The following SHE variants were observed in gnomAD, a reference collection of about 807,000 sequenced individuals.
SHE encodes Src homology 2 domain containing E.
Under a neutral mutation model 49.8 loss-of-function variants are expected in SHE, and 11 were observed. The observed-to-expected ratio is 0.22, with a 90% confidence interval of 0.14 to 0.37. SHE has a LOEUF of 0.37. SHE is among the 10% of genes least tolerant of loss of function. The pLI is 1.00. For synonymous variants in SHE, 310 were observed against 278.1 expected, an observed-to-expected ratio of 1.11 and a Z score of -1.14; for missense variants, 624 against 655.5, an observed-to-expected ratio of 0.95 and a Z score of 0.52.
At position 154,502,094 on chromosome 1, in the gene SHE, G is replaced by T. The variant is rs1316617241; in HGVS notation, c.-68C>A. ...ACGGCTGCTCCGTGCGCCCCCGGCC[G>T]GCCGTCGCCCACGCCCGGCAGGGTG... On this transcript the variant is annotated 5_prime_UTR_variant, in exon 1 of 6. Coordinates refer to ENST00000304760, the MANE Select transcript of SHE (RefSeq NM_001010846.3). 6.8e-6 allele frequency: 8 copies of T among 1,184,658 alleles called. No homozygotes were observed. Among genetic ancestry groups the T allele is most frequent in the Non-Finnish European group, 8.4e-6 (8 of 949,170 alleles). 73.4% of individuals were successfully genotyped at this position (1,184,658 alleles called of 1,614,324 possible).
At position 154,501,567 on chromosome 1, in the gene SHE, C is replaced by A; in HGVS notation, c.460G>T (p.Glu154Ter). The change falls in exon 1 of 6, where the codon GAG becomes TAG. Residue 154 changes from glutamate (E) to a stop codon, truncating the protein, a stop_gained. Transcript: ENST00000304760. LOFTEE classifies it high-confidence loss of function. Reference sequence around the variant, plus strand: ...GGGTAGTTGCTCTTCCCGTTCTTCTCCTGAGTGTCCACCTTGATGAGCCTG... The same window carrying A: ...GGGTAGTTGCTCTTCCCGTTCTTCTACTGAGTGTCCACCTTGATGAGCCTG... Reference protein sequence around the residue: ...INRLIKVDTQEKNGKSNYPSS... With the variant: ...INRLIKVDTQ 6.2e-7 allele frequency: 1 copy of A among 1,614,098 alleles called. No homozygotes were observed. The highest frequency in any genetic ancestry group is 8.5e-7 in the Non-Finnish European group (1 of 1,179,982).
intron 5 of SHE, 135 bp downstream of exon 5, chr1:154,485,808 T>A: frequency 9.4e-7 from 1 of 1,058,688 alleles, no homozygotes; most frequent in East Asian, 2.5e-5. Context: ...TGTTCCATTG[T>A]CCAAACAAAT....
In SHE at chr1:154,482,774, A is replaced by G. The variant is rs927022198; in HGVS notation, c.*1375T>C. On this transcript the variant is annotated 3_prime_UTR_variant, in exon 6 of 6. Coordinates refer to ENST00000304760, the MANE Select transcript of SHE (RefSeq NM_001010846.3). ...AATACTATGAATCTTAAGTAATGGT[A>G]TTTAAGAGAAAACCTCTAGGTCTTT... is the stretch of plus-strand genomic sequence containing the variant. 12 of 985,300 alleles carry G rather than the reference A, an allele frequency of 1.2e-5. No homozygotes were observed. The highest frequency in any genetic ancestry group is 1.4e-5 in the Non-Finnish European group (12 of 829,896). The allele number at this position is 985,300 out of a possible 1,614,324, so 61.0% of individuals were successfully genotyped here.
downstream of SHE, among the ~76,000 whole-genome samples, chr1:154,475,104 G>A (rs1022703190): frequency 7.9e-5 from 12 of 152,194 alleles, no homozygotes; most frequent in South Asian, 2.1e-4. Flanking sequence ...GAGGCCTGCC[G>A]GGGGTACAGG....
rs539031582 is a variant in SHE at position 154,484,234 on chromosome 1, A to G, written c.1403T>C (p.Val468Ala). 1 of 1,614,194 alleles carries G rather than the reference A, an allele frequency of 6.2e-7. No individual in the cohort carries two copies. Among genetic ancestry groups the G allele is most frequent in the African/African-American group, 1.3e-5 (1 of 75,046 alleles). ...SAVFDSIPEV[V>A]HYYSNEKLPF... ...CAACTTTTCATTGGAATAATAGTGT[A>G]CCACTTCAGGGATGCTGTCAAACAC... The change falls in exon 6 of 6, where the codon GTA becomes GCA. Residue 468 changes from valine to alanine, a missense_variant. By Grantham distance (64) the Val-to-Ala change is moderately conservative. This residue lies in a region of SHE where 125 missense variants were observed against 181.7 expected (regional missense o/e 0.69). Coordinates refer to ENST00000304760, the MANE Select transcript of SHE (RefSeq NM_001010846.3).
chr1:154,477,328 G>T (rs1367048908), downstream of SHE, among the ~76,000 whole-genome samples: 1 of 152,024 alleles, frequency 6.6e-6, no homozygotes, highest in Non-Finnish European at 1.5e-5. Context: ...TTGTGTGTGT[G>T]GTAAGAAATG....
intron 2 of SHE, among the ~76,000 whole-genome samples, chr1:154,491,010 G>GCAGC (rs1692345205): frequency 1.3e-5 from 2 of 152,298 alleles, no homozygotes; most frequent in South Asian, 4.1e-4. Context: ...AGGGTGGTGA[G>GCAGC]CAGCCTGGGG....
intron 1 of SHE, among the ~76,000 whole-genome samples, chr1:154,473,189 G>A (rs920182723): frequency 6.6e-6 from 1 of 151,960 alleles, no homozygotes; most frequent in Middle Eastern, 3.4e-3. Context: ...TAGTAGAGAC[G>A]GGGTTTCTCC....
At chr1:154,496,702 G>C (rs1294863005) in intron 2 of SHE, among the ~76,000 whole-genome samples, 1 of 151,880 alleles carries the variant, frequency 6.6e-6, no homozygotes, top group Non-Finnish European at 1.5e-5. Context: ...TGTCACAAGG[G>C]GGACAGCATT....
exon 2 of SHE, chr1:154,470,151 T>C (rs892387317): frequency 4.9e-6 from 2 of 405,078 alleles, no homozygotes; most frequent in Non-Finnish European, 9.1e-6. Flanking sequence ...CATGCTCTCC[T>C]CTTTGAGGCT....
Position 154,483,992 on chromosome 1 carries a change from C to T in SHE, c.*157G>A, listed in dbSNP as rs112303509. The T allele has an allele frequency of 5.8e-4, 828 of 1,421,506 alleles. 5 individuals carry two copies. In the African/African-American group the frequency reaches 0.01, roughly 17 times the overall value. 88.1% of individuals were successfully genotyped at this position (1,421,506 alleles called of 1,614,324 possible). A position where few individuals can be genotyped will look rare whatever the true frequency, so the allele number is the denominator to read the frequency against. On this transcript the variant is annotated 3_prime_UTR_variant, in exon 6 of 6. Coordinates refer to ENST00000304760, the MANE Select transcript of SHE (RefSeq NM_001010846.3). ...CAGCCTGGGCAACACAGCGAGACTT[C>T]GTCTCAAACAAAACAAAACAAATCA...
Position 154,480,928 on chromosome 1 carries a change from G to A in SHE, c.*3221C>T. On this transcript the variant is annotated 3_prime_UTR_variant, in exon 6 of 6. Coordinates refer to ENST00000304760, the MANE Select transcript of SHE (RefSeq NM_001010846.3). Reference sequence around the variant, plus strand: ...GCAAGCAAGTATTTTTTTTAAAGAAGGTGTGATCAAGAAGAACACTGACAC... The same window carrying A: ...GCAAGCAAGTATTTTTTTTAAAGAAAGTGTGATCAAGAAGAACACTGACAC... 1 of 985,212 alleles carries A rather than the reference G, an allele frequency of 1.0e-6. No individual in the cohort carries two copies. 61.0% of individuals were successfully genotyped at this position (985,212 alleles called of 1,614,324 possible). A position where few individuals can be genotyped will look rare whatever the true frequency, so the allele number is the denominator to read the frequency against.
At position 154,489,123 on chromosome 1, in the gene SHE, C is replaced by T. The variant is rs778836613; in HGVS notation, c.952G>A (p.Asp318Asn). ...RPPDSRLPEN[D>N]ERPAAEYEQP... ...TCGTACTCTGCCGCGGGCCTCTCGT[C>T]GTTCTCGGGCAGCCGGCTGTCTGGG... Residue 318 changes from aspartate to asparagine, a missense_variant, in exon 3 of 6, where the codon GAC (aspartate) becomes AAC (asparagine). Transcript: ENST00000304760. 6.8e-6 allele frequency: 11 copies of T among 1,613,460 alleles called. No homozygotes were observed. The highest frequency in any genetic ancestry group is 3.3e-5 in the Admixed American group (2 of 59,930).
At chr1:154,493,850 G>C (rs562830675) in intron 2 of SHE, among the ~76,000 whole-genome samples, 2 of 151,902 alleles carry the variant, frequency 1.3e-5, no homozygotes, top group South Asian at 2.1e-4. Flanking sequence ...CCTGCTAGGT[G>C]TATTATGCCC....
downstream of SHE, among the ~76,000 whole-genome samples, chr1:154,475,144 G>T (rs968472934): frequency 6.6e-6 from 1 of 152,142 alleles, no homozygotes; most frequent in African/African-American, 2.4e-5. Flanking sequence ...CCAGGTGGGA[G>T]GGAGGCCGCC....
chr1:154,477,749 G>A (rs1265309067), downstream of SHE, among the ~76,000 whole-genome samples: 1 of 151,992 alleles, frequency 6.6e-6, no homozygotes, highest in Non-Finnish European at 1.5e-5. Context: ...AAATTAGCTG[G>A]GTGTTGTGGC....
At chr1:154,499,024 C>T in intron 2 of SHE, 88 bp downstream of exon 2, 2 of 1,488,856 alleles carry the variant, frequency 1.3e-6, no homozygotes, top group Non-Finnish European at 1.8e-6. Context: ...TGCTTTATCC[C>T]TCTTCCCCAA....
Position 154,486,689 on chromosome 1 carries a change from A to G in SHE, c.1025-6T>C, listed in dbSNP as rs747113597. 5 of 1,613,754 alleles carry G rather than the reference A, an allele frequency of 3.1e-6. No homozygotes were observed. Among genetic ancestry groups the G allele is most frequent in the Non-Finnish European group, 2.5e-6 (3 of 1,180,016 alleles). Reference sequence around the variant, plus strand: ...CTCAGCTCCTTCAAACTGGACTGGAAGGAAGACTCCATTTAACATCACAGG... The same window carrying G: ...CTCAGCTCCTTCAAACTGGACTGGAGGGAAGACTCCATTTAACATCACAGG... On this transcript the variant is annotated splice_polypyrimidine_tract_variant and splice_region_variant and intron_variant, in intron 3 of 5. Coordinates refer to ENST00000304760, the MANE Select transcript of SHE (RefSeq NM_001010846.3).
downstream of SHE, among the ~76,000 whole-genome samples, chr1:154,476,535 C>G (rs578070543): frequency 2.0e-5 from 3 of 151,984 alleles, no homozygotes; most frequent in South Asian, 6.2e-4. Flanking sequence ...CCCAGCTACT[C>G]AGGAGGCTGA....
Sources: allele counts gnomAD v4.1 joint callset (sites outside exome capture counted in the v4.1 genomes callset), GRCh38; gene constraint gnomAD v4.1.1; regional missense constraint gnomAD v4.1.1; transcripts MANE v1.5; gene names NCBI Gene and HGNC (gene_info 2026-07-23, HGNC 2026-07-21).